The following GNA14 variants were observed in gnomAD, a reference collection of about 807,000 sequenced individuals.
GNA14 encodes the protein G protein subunit alpha 14.
In GNA14, 50 loss-of-function variants were observed where a neutral mutation model predicts 42.0. That is an observed-to-expected ratio of 1.19 (90% CI 0.95 to 1.51). GNA14 has a LOEUF of 1.51. GNA14 is among the 40% of genes most tolerant of loss of function. The probability of loss-of-function intolerance (pLI) is 0.00; values close to 1 mark genes in which losing one functional copy is unlikely to be tolerated. For missense variants in GNA14, 473 were observed against 446.2 expected (o/e 1.06, Z -0.54); for synonymous variants, 173 against 163.1 (o/e 1.06, Z -0.46).
intron 1 of GNA14, among the ~76,000 whole-genome samples, chr9:77,639,947 A>T (rs1415707318): frequency 6.6e-6 from 1 of 152,208 alleles, no homozygotes; most frequent in Non-Finnish European, 1.5e-5. Context: ...TTCCGCTAGT[A>T]TATTTTCTTC....
intron 1 of GNA14, among the ~76,000 whole-genome samples, chr9:77,602,483 T>C (rs749353009): frequency 9.9e-5 from 15 of 152,220 alleles, no homozygotes; most frequent in Non-Finnish European, 1.9e-4. Context: ...TGTTATTCTG[T>C]CAACTAGAAT....
chr9:77,572,605 T>C (rs1823076643), intron 1 of GNA14, among the ~76,000 whole-genome samples: 2 of 137,084 alleles, frequency 1.5e-5, no homozygotes, highest in African/African-American at 4.9e-5. Context: ...AATCTGCAAT[T>C]AGAAACTAAA....
chr9:77,584,545 G>C (rs1303107319), intron 1 of GNA14, among the ~76,000 whole-genome samples: 1 of 139,256 alleles, frequency 7.2e-6, no homozygotes, highest in Non-Finnish European at 1.5e-5. Context: ...TATTTCAGCT[G>C]AAGTGGTAGC....
At chr9:77,500,991 T>TG (rs1160141902) in intron 2 of GNA14, among the ~76,000 whole-genome samples, 1 of 152,056 alleles carries the variant, frequency 6.6e-6, no homozygotes, top group Non-Finnish European at 1.5e-5. Flanking sequence ...AATCTCGCTC[T>TG]GTCACCAGGC....
chr9:77,447,793 G>T (rs1239686550), intron 2 of GNA14, among the ~76,000 whole-genome samples: 1 of 152,162 alleles, frequency 6.6e-6, no homozygotes, highest in Non-Finnish European at 1.5e-5. Context: ...TATGGGCCAG[G>T]TCTGGACATG....
intron 2 of GNA14, among the ~76,000 whole-genome samples, chr9:77,435,949 C>T (rs1835633897): frequency 6.6e-6 from 1 of 152,208 alleles, no homozygotes; most frequent in Non-Finnish European, 1.5e-5. Context: ...CTGGCTACAG[C>T]AGCAGCTGTG....
intron 1 of GNA14, among the ~76,000 whole-genome samples, chr9:77,638,866 G>A (rs1824218495): frequency 6.6e-6 from 1 of 152,174 alleles, no homozygotes; most frequent in South Asian, 2.1e-4. Context: ...GACAATGCTG[G>A]CAGATGGGCT....
intron 2 of GNA14, among the ~76,000 whole-genome samples, chr9:77,448,356 T>C (rs1835856105): frequency 6.6e-6 from 1 of 152,182 alleles, no homozygotes. Flanking sequence ...TATCGAATCA[T>C]TCTGGTTTTC....
intron 1 of GNA14, among the ~76,000 whole-genome samples, chr9:77,632,094 C>T (rs1197464923): frequency 6.6e-6 from 1 of 151,810 alleles, no homozygotes. Flanking sequence ...CCTTGGCAGC[C>T]CAGGAAGGCC....
chr9:77,513,076 A>G (rs1334037979), intron 2 of GNA14, among the ~76,000 whole-genome samples: 3 of 152,262 alleles, frequency 2.0e-5, no homozygotes, highest in Non-Finnish European at 4.4e-5. Context: ...AAATATTGAT[A>G]GAGATTACAC....
At chr9:77,574,338 C>A (rs978085988) in intron 1 of GNA14, among the ~76,000 whole-genome samples, 3 of 152,116 alleles carry the variant, frequency 2.0e-5, no homozygotes, top group Non-Finnish European at 4.4e-5. Flanking sequence ...TGGTTTACTT[C>A]AAAATTAAAG....
intron 1 of GNA14, among the ~76,000 whole-genome samples, chr9:77,569,061 G>T (rs146027563): frequency 3.2e-4 from 49 of 152,076 alleles, no homozygotes; most frequent in African/African-American, 1.1e-3. Context: ...AGAAACCCAA[G>T]TCCCATATGT....
In GNA14 at chr9:77,641,102, AAGGAAGGAAGGAAGGAAG is replaced by A. The variant is rs1824257720; in HGVS notation, c.124+6550_124+6567del. Among the ~76,000 whole-genome samples the A allele has an allele frequency of 3.8e-3, 4 of 1,048 alleles. 1 individual carries two copies. The South Asian group carries it at 0.1, about 26-fold the overall frequency. The allele number at this position is 1,048 out of a possible 152,430, so 0.7% of individuals were successfully genotyped here. A position where few individuals can be genotyped will look rare whatever the true frequency, so the allele number is the denominator to read the frequency against. On this transcript the variant is annotated intron_variant, in intron 1 of 6. Coordinates refer to ENST00000341700, the MANE Select transcript of GNA14 (RefSeq NM_004297.4). ...GAGGGGAGGGGAGGGGAGGGGGGGG[AAGGAAGGAAGGAAGGAAG>A]GAAGGAAGGAAGGAAGGAAGGAAGG...
At position 77,618,609 on chromosome 9, in the gene GNA14, TA is replaced by T. The variant is rs1290757481; in HGVS notation, c.124+29060del. The stretch of plus-strand genomic sequence containing the variant: ...ATATATATATATATATATATATATA[TA>T]TATATATATATTTTTTTTTTTTTTT... On this transcript the variant is annotated intron_variant, in intron 1 of 6. Transcript: ENST00000341700. 4.7e-3 allele frequency among the ~76,000 whole-genome samples: 69 copies of T among 14,644 alleles called. 2 individuals carry two copies. The highest frequency in any genetic ancestry group is 6.5e-3 in the Non-Finnish European group (44 of 6,782). 9.6% of individuals were successfully genotyped at this position (14,644 alleles called of 152,430 possible).
At chr9:77,615,928 T>G (rs1247668824) in intron 1 of GNA14, among the ~76,000 whole-genome samples, 1 of 151,430 alleles carries the variant, frequency 6.6e-6, no homozygotes, top group Admixed American at 6.6e-5. Flanking sequence ...GAGCAAGATT[T>G]TTGTTGTTGT....
intron 2 of GNA14, among the ~76,000 whole-genome samples, chr9:77,484,730 T>A (rs952323320): frequency 2.0e-5 from 3 of 152,126 alleles, no homozygotes; most frequent in Non-Finnish European, 4.4e-5. Context: ...CTCAGAGACA[T>A]TATGAATTTG....
At chr9:77,483,458 G>T (rs980195264) in intron 2 of GNA14, among the ~76,000 whole-genome samples, 3 of 152,154 alleles carry the variant, frequency 2.0e-5, no homozygotes, top group Non-Finnish European at 2.9e-5. Context: ...GTACCCGGCC[G>T]TGTGAGGTGT....
chr9:77,613,654 G>A (rs1027510713), intron 1 of GNA14, among the ~76,000 whole-genome samples: 1 of 152,168 alleles, frequency 6.6e-6, no homozygotes, highest in East Asian at 1.9e-4. Flanking sequence ...AACTTGTTAA[G>A]TTGTATTTGT....
At chr9:77,471,274 C>T (rs7875530) in intron 2 of GNA14, among the ~76,000 whole-genome samples, 93,828 of 151,958 alleles carry the variant, frequency 0.62, 30,495 homozygotes, top group African/African-American at 0.82. Flanking sequence ...TGTGGAGCTA[C>T]TGAGGTTGTA....
Sources: gnomAD v4.1 joint callset for allele counts (sites outside exome capture counted in the v4.1 genomes callset) on GRCh38, gnomAD v4.1.1 for gene constraint, MANE v1.5 for transcripts, NCBI Gene and HGNC (gene_info 2026-07-23, HGNC 2026-07-21) for gene names.